The following ESF1 variants were observed in gnomAD, a reference collection of about 807,000 sequenced individuals.
ESF1 encodes ESF1 homolog.
A neutral mutation model predicts 92.0 loss-of-function variants in ESF1; 58 were observed. The observed-to-expected ratio is 0.63, with a 90% confidence interval of 0.51 to 0.78. The LOEUF (loss-of-function observed/expected upper bound fraction) is 0.78. Ranked by LOEUF, ESF1 falls within the 30% of genes least tolerant of loss-of-function variation. The pLI is 0.00. For synonymous variants in ESF1, 321 were observed against 313.7 expected (o/e 1.02, Z -0.24); for missense variants, 922 against 989.1 (o/e 0.93, Z 0.91).
chr20:13,760,606 C>A (rs1320236940), intron 8 of ESF1, among the ~76,000 whole-genome samples: 6 of 151,876 alleles, frequency 4.0e-5, no homozygotes, highest in Non-Finnish European at 7.4e-5. Context: ...CGGCAGCCAC[C>A]CCGTCTGGGA....
chr20:13,752,230 G>A lies in ESF1; in HGVS notation c.1828+7462C>T, dbSNP rs961849329. Among the ~76,000 whole-genome samples, 8 of 152,072 alleles carry A rather than the reference G, an allele frequency of 5.3e-5. No homozygotes were observed. The East Asian group carries it at 1.5e-3, about 29-fold the overall frequency. ...AGTTATAGCTTATTACCTTACAAAC[G>A]CCTCATAGTCAACCTGTTAACTGGA... On this transcript the variant is annotated intron_variant, in intron 9 of 13. Coordinates refer to ENST00000617257, the MANE Select transcript of ESF1 (RefSeq NM_001276380.2).
Position 13,780,524 on chromosome 20 carries a change from C to T in ESF1, c.637+1980G>A, listed in dbSNP as rs542856662. Among the ~76,000 whole-genome samples the T allele has an allele frequency of 2.0e-5, 3 of 152,322 alleles. No homozygotes were observed. The East Asian group carries it at 5.8e-4, about 29-fold the overall frequency. The stretch of plus-strand genomic sequence containing the variant: ...ATGTAAAATGGGATACCACCACTGA[C>T]TCCCTAGTCCTTGCTATCCAGAATT... On this transcript the variant is annotated intron_variant, in intron 2 of 13. Transcript: ENST00000617257.
At chr20:13,731,922 G>A (rs1433405919) in intron 10 of ESF1, among the ~76,000 whole-genome samples, 1 of 152,218 alleles carries the variant, frequency 6.6e-6, no homozygotes, top group Non-Finnish European at 1.5e-5. Flanking sequence ...GGAGCGCCCA[G>A]GGAGGCATGG....
rs140416933 is a variant in ESF1 at position 13,742,301 on chromosome 20, T to C, written c.1829-8459A>G. ...GTCTGGCCAACATGGCAAAACCCCGTCTCTACTAAAAATACAAAAAAACTA... is the reference window on the plus strand; with the variant it reads ...GTCTGGCCAACATGGCAAAACCCCGCCTCTACTAAAAATACAAAAAAACTA... On this transcript the variant is annotated intron_variant, in intron 9 of 13. Coordinates refer to ENST00000617257, the MANE Select transcript of ESF1 (RefSeq NM_001276380.2). Among the ~76,000 whole-genome samples the C allele has an allele frequency of 2.5e-4, 38 of 152,050 alleles. No individual in the cohort carries two copies. The East Asian group carries it at 7.2e-3, about 29-fold the overall frequency.
intron 6 of ESF1, among the ~76,000 whole-genome samples, chr20:13,770,419 A>G (rs1033964823): frequency 2.6e-5 from 4 of 152,194 alleles, no homozygotes; most frequent in South Asian, 2.1e-4. Flanking sequence ...CCCAGGTTGG[A>G]GGTCCATGGC....
At chr20:13,720,684 T>C (rs1311537536) in intron 11 of ESF1, among the ~76,000 whole-genome samples, 1 of 152,232 alleles carries the variant, frequency 6.6e-6, no homozygotes, top group Non-Finnish European at 1.5e-5. Flanking sequence ...TAGTAACATC[T>C]TGTATAAATA....
At chr20:13,717,682 G>C (rs964800156) in intron 12 of ESF1, among the ~76,000 whole-genome samples, 168 bp from the exon 13 acceptor site, 24 of 152,134 alleles carry the variant, frequency 1.6e-4, no homozygotes, top group African/African-American at 3.9e-4. Context: ...AAAACAAAGA[G>C]ATCTTTGTAT....
chr20:13,774,277 A>ATGC (rs33937799), intron 4 of ESF1, among the ~76,000 whole-genome samples: 3 of 151,808 alleles, frequency 2.0e-5, no homozygotes, highest in Non-Finnish European at 4.4e-5. Flanking sequence ...CAAATCCCAA[A>ATGC]TCCAAAATTC....
chr20:13,761,759 A>C (rs1396860070), intron 8 of ESF1, among the ~76,000 whole-genome samples: 2 of 152,244 alleles, frequency 1.3e-5, no homozygotes, highest in Non-Finnish European at 2.9e-5. Context: ...AAATACAAAG[A>C]AACATTATAA....
chr20:13,771,585 G>T, intron 5 of ESF1, 102 bp from the exon 6 acceptor site: 1 of 908,132 alleles, frequency 1.1e-6, no homozygotes, highest in Non-Finnish European at 1.7e-6. Flanking sequence ...TTACAAGCTG[G>T]CCTTCATACC....
intron 9 of ESF1, among the ~76,000 whole-genome samples, chr20:13,745,620 T>C (rs1378197296): frequency 6.6e-6 from 1 of 152,072 alleles, no homozygotes; most frequent in East Asian, 1.9e-4. Flanking sequence ...CCCAGCTAAC[T>C]TGTATTTTTT....
chr20:13,768,271 G>A (rs1979518303), intron 7 of ESF1, among the ~76,000 whole-genome samples: 1 of 152,134 alleles, frequency 6.6e-6, no homozygotes, highest in African/African-American at 2.4e-5. Context: ...AAAAGCAGAG[G>A]GAAGCTAGTG....
At chr20:13,751,510 G>C (rs1262575930) in intron 9 of ESF1, among the ~76,000 whole-genome samples, 2 of 152,172 alleles carry the variant, frequency 1.3e-5, no homozygotes, top group Non-Finnish European at 2.9e-5. Context: ...AATCATTCTA[G>C]ATCTTTGCAA....
At chr20:13,745,692 T>A (rs1276917356) in intron 9 of ESF1, among the ~76,000 whole-genome samples, 2 of 152,186 alleles carry the variant, frequency 1.3e-5, no homozygotes, top group Non-Finnish European at 2.9e-5. Flanking sequence ...CCTCAGGTGA[T>A]CTGCCCACCT....
At chr20:13,720,769 G>A (rs936475201) in intron 11 of ESF1, among the ~76,000 whole-genome samples, 2 of 152,100 alleles carry the variant, frequency 1.3e-5, no homozygotes, top group African/African-American at 2.4e-5. Context: ...GCCAAACACA[G>A]GTGCTGTTCA....
Position 13,729,653 on chromosome 20 carries a change from G to T in ESF1, c.1951-1188C>A, listed in dbSNP as rs186446662. Among the ~76,000 whole-genome samples, 736 of 152,012 alleles carry T rather than the reference G, an allele frequency of 4.8e-3. 12 individuals are homozygous for T. The highest frequency in any genetic ancestry group is 0.016 in the African/African-American group (668 of 41,316). Reference sequence around the variant, plus strand: ...CAATTTATTTGTTGGTTAAAGAAAAGAATTTTTATTATGAAAATCTAAAAC... The same window carrying T: ...CAATTTATTTGTTGGTTAAAGAAAATAATTTTTATTATGAAAATCTAAAAC... On this transcript the variant is annotated intron_variant, in intron 10 of 13. Coordinates refer to ENST00000617257, the MANE Select transcript of ESF1 (RefSeq NM_001276380.2).
intron 13 of ESF1, among the ~76,000 whole-genome samples, chr20:13,716,063 C>CTA (rs2049822687): frequency 6.6e-6 from 1 of 152,188 alleles, no homozygotes; most frequent in African/African-American, 2.4e-5. Context: ...ACAACAGAAG[C>CTA]TACAGAGTAG....
At chr20:13,768,975 C>T (rs979975835) in intron 7 of ESF1, among the ~76,000 whole-genome samples, 2 of 150,488 alleles carry the variant, frequency 1.3e-5, no homozygotes, top group African/African-American at 4.9e-5. Context: ...TAGACAAAAA[C>T]CTTTTGGCTA....
At chr20:13,772,486 T>G (rs200919537) in intron 5 of ESF1, 29 bp downstream of exon 5, 1 of 1,465,236 alleles carries the variant, frequency 6.8e-7, no homozygotes, top group Non-Finnish European at 9.6e-7. Context: ...TTATGAGGTT[T>G]AGTTTTATGT....
Sources: gnomAD v4.1 joint callset for allele counts (sites outside exome capture counted in the v4.1 genomes callset) on GRCh38, gnomAD v4.1.1 for gene constraint, MANE v1.5 for transcripts, NCBI Gene and HGNC (gene_info 2026-07-23, HGNC 2026-07-21) for gene names.